The following OCIAD2 variants were observed in gnomAD, a reference collection of about 807,000 sequenced individuals.
OCIAD2 encodes the protein OCIA domain containing 2.
A neutral mutation model predicts 22.9 loss-of-function variants in OCIAD2; 29 were observed. That is an observed-to-expected ratio of 1.27 (90% CI 0.94 to 1.73). OCIAD2 has a LOEUF of 1.73. Among genes scored for constraint, OCIAD2 ranks in the 40% most tolerant of loss-of-function variants. The pLI is 0.00. For missense variants in OCIAD2, 189 were observed against 180.3 expected (o/e 1.05, Z -0.28); for synonymous variants, 67 against 60.2 (o/e 1.11, Z -0.52).
Position 48,892,754 on chromosome 4 carries a change from A to G in OCIAD2, c.383+18T>C, listed in dbSNP as rs771730841. ...CTTATAATTACATTACAATCCCTCA[A>G]CCAAACAGATTACAAACCTGTTATG... On this transcript the variant is annotated intron_variant, in intron 6 of 6. Coordinates refer to ENST00000508632, the MANE Select transcript of OCIAD2 (RefSeq NM_001014446.3). The G allele has an allele frequency of 1.3e-5, 16 of 1,251,530 alleles. 1 individual carries two copies. The South Asian group carries it at 1.9e-4, about 15-fold the overall frequency. 77.5% of individuals were successfully genotyped at this position (1,251,530 alleles called of 1,614,324 possible).
At position 48,904,591 on chromosome 4, in the gene OCIAD2, G is replaced by A. The variant is rs757672451; in HGVS notation, c.-42C>T. On this transcript the variant is annotated 5_prime_UTR_variant, in exon 2 of 7. Coordinates refer to ENST00000508632, the MANE Select transcript of OCIAD2 (RefSeq NM_001014446.3). ...CTCTCCTTCCAGTTGTTTATCCTCTGCTTACTCCTTGACCCAGTGTCTAAG... is the reference window on the plus strand; with the variant it reads ...CTCTCCTTCCAGTTGTTTATCCTCTACTTACTCCTTGACCCAGTGTCTAAG... 774 of 1,564,050 alleles carry A rather than the reference G, an allele frequency of 4.9e-4. 3 individuals are homozygous for A. Among genetic ancestry groups the A allele is most frequent in the Non-Finnish European group, 5.5e-5 (62 of 1,134,990 alleles).
intron 6 of OCIAD2, among the ~76,000 whole-genome samples, chr4:48,888,303 C>A (rs1450280121): frequency 6.6e-6 from 1 of 152,178 alleles, no homozygotes; most frequent in Non-Finnish European, 1.5e-5. Flanking sequence ...CTGACTTCCT[C>A]TTTTCCTAAT....
intron 2 of OCIAD2, 89 bp from the exon 3 acceptor site, chr4:48,900,014 CACT>C: frequency 3.5e-6 from 3 of 862,664 alleles, no homozygotes; most frequent in Non-Finnish European, 5.7e-6. Flanking sequence ...GAGGTCTCTT[CACT>C]TGTTACACAG....
At chr4:48,896,010 C>A (rs949666022) in intron 4 of OCIAD2, among the ~76,000 whole-genome samples, 1 of 151,996 alleles carries the variant, frequency 6.6e-6, no homozygotes, top group African/African-American at 2.4e-5. Flanking sequence ...CCAGCCGGAG[C>A]GACAGAGTGA....
intron 2 of OCIAD2, among the ~76,000 whole-genome samples, chr4:48,900,624 G>C (rs1476732186): frequency 7.3e-6 from 1 of 137,204 alleles, no homozygotes; most frequent in Non-Finnish European, 1.5e-5. Context: ...TGGGTACATA[G>C]TAGGTTCTGC....
rs1560462564 is a variant in OCIAD2, at chr4:48,904,624, G to A, written c.-62-13C>T. ...CTTGACCCAGTGTCTAAGGAAGGTA[G>A]AAGAGAATCACTATGCCATGACTAA... On this transcript the variant is annotated splice_polypyrimidine_tract_variant and intron_variant, in intron 1 of 6. Transcript: ENST00000508632. 4 of 1,311,610 alleles carry A rather than the reference G, an allele frequency of 3.0e-6. No individual in the cohort carries two copies. The highest frequency in any genetic ancestry group is 4.6e-5 in the East Asian group (2 of 43,488). The allele number at this position is 1,311,610 out of a possible 1,614,324, so 81.2% of individuals were successfully genotyped here.
At chr4:48,892,558 C>T (rs865825564) in intron 6 of OCIAD2, among the ~76,000 whole-genome samples, 3 of 152,042 alleles carry the variant, frequency 2.0e-5, no homozygotes, top group Admixed American at 6.6e-5. Flanking sequence ...ACAGTAGATT[C>T]CCATTAAATA....
chr4:48,885,474 G>C lies in OCIAD2; in HGVS notation c.*10C>G. The C allele has an allele frequency of 6.5e-7, 1 of 1,540,222 alleles. No individual in the cohort carries two copies. The highest frequency in any genetic ancestry group is 9.0e-7 in the Non-Finnish European group (1 of 1,114,810). On this transcript the variant is annotated 3_prime_UTR_variant, in exon 7 of 7. Coordinates refer to ENST00000508632, the MANE Select transcript of OCIAD2 (RefSeq NM_001014446.3). The stretch of plus-strand genomic sequence containing the variant: ...GGTTTAAAAAACTTCGAAAGTCACA[G>C]ACACAGAATTTAGGAAGCTGAAGGC...
intron 1 of OCIAD2, among the ~76,000 whole-genome samples, chr4:48,904,961 T>C (rs932202906): frequency 1.3e-5 from 2 of 152,074 alleles, no homozygotes; most frequent in African/African-American, 2.4e-5. Flanking sequence ...ACATGAAAAG[T>C]ATGCATGGGA....
chr4:48,894,793 A>G (rs755313837), intron 4 of OCIAD2, among the ~76,000 whole-genome samples: 4 of 152,196 alleles, frequency 2.6e-5, no homozygotes, highest in Non-Finnish European at 5.9e-5. Context: ...CACAGTGTAT[A>G]TCATTATTTT....
At chr4:48,900,482 T>A (rs1781392158) in intron 2 of OCIAD2, among the ~76,000 whole-genome samples, 1 of 152,172 alleles carries the variant, frequency 6.6e-6, no homozygotes, top group Non-Finnish European at 1.5e-5. Flanking sequence ...ATGCTTTTTT[T>A]TTTACACATT....
chr4:48,899,839 G>C lies in OCIAD2; in HGVS notation c.153C>G (p.Phe51Leu), dbSNP rs1267956734. 1 of 1,612,342 alleles carries C rather than the reference G, an allele frequency of 6.2e-7. No individual in the cohort carries two copies. Among genetic ancestry groups the C allele is most frequent in the African/African-American group, 1.3e-5 (1 of 74,892 alleles). Residue 51 changes from phenylalanine to leucine, a missense_variant, in exon 3 of 7, where the codon TTC becomes TTG. Transcript: ENST00000508632. ...GTTAGGTGCAATTACCTCTCTTCCA[G>C]AAACTTTCTTCCTGACATTCTCGCA... The part of the protein sequence containing the change: ...KIMRECQEES[F>L]WKRALPFSLV...
chr4:48,888,058 C>G (rs1360246194), intron 6 of OCIAD2, among the ~76,000 whole-genome samples: 4 of 152,066 alleles, frequency 2.6e-5, no homozygotes, highest in African/African-American at 4.8e-5. Context: ...CTTCACATCC[C>G]TTGTAAGTTG....
At chr4:48,904,342 T>G in intron 2 of OCIAD2, 142 bp downstream of exon 2, 4 of 766,650 alleles carry the variant, frequency 5.2e-6, no homozygotes, top group East Asian at 2.6e-5. Context: ...CCCAGTTAAG[T>G]GAGAAGCTCA....
At chr4:48,904,197 A>C (rs949560070) in intron 2 of OCIAD2, among the ~76,000 whole-genome samples, 1 of 151,684 alleles carries the variant, frequency 6.6e-6, no homozygotes, top group African/African-American at 2.4e-5. Flanking sequence ...CACGCCTGTA[A>C]TCCCAGCACT....
intron 1 of OCIAD2, 67 bp from the exon 2 acceptor site, chr4:48,904,678 G>C: frequency 1.2e-6 from 1 of 853,876 alleles, no homozygotes; most frequent in Non-Finnish European, 1.9e-6. Flanking sequence ...AAAGCATCCT[G>C]AGGATCCACT....
intron 6 of OCIAD2, among the ~76,000 whole-genome samples, chr4:48,891,169 T>G (rs1173801171): frequency 6.6e-6 from 1 of 152,176 alleles, no homozygotes; most frequent in African/African-American, 2.4e-5. Context: ...ATATCTCCTC[T>G]TGTCATAGCT....
At chr4:48,889,526 C>G (rs1781103106) in intron 6 of OCIAD2, among the ~76,000 whole-genome samples, 1 of 152,158 alleles carries the variant, frequency 6.6e-6, no homozygotes, top group African/African-American at 2.4e-5. Flanking sequence ...CACTGGTCAT[C>G]AGAGAAATGC....
chr4:48,889,786 G>A (rs113849267), intron 6 of OCIAD2, among the ~76,000 whole-genome samples: 20 of 152,296 alleles, frequency 1.3e-4, no homozygotes, highest in Admixed American at 3.9e-4. Context: ...AAAGCCTGCT[G>A]CTATAAAGAC....
Sources: gnomAD v4.1 joint callset for allele counts (sites outside exome capture counted in the v4.1 genomes callset) on GRCh38, gnomAD v4.1.1 for gene constraint, MANE v1.5 for transcripts, NCBI Gene and HGNC (gene_info 2026-07-23, HGNC 2026-07-21) for gene names.